The following HNRNPDL variants were observed in gnomAD, a reference collection of about 807,000 sequenced individuals.
HNRNPDL encodes the protein heterogeneous nuclear ribonucleoprotein D-like.
In HNRNPDL, 18 loss-of-function variants were observed where a neutral mutation model predicts 48.0. The ratio of observed to expected loss-of-function variants is 0.38; its 90% confidence interval spans 0.26 to 0.56. HNRNPDL has a LOEUF of 0.56. HNRNPDL is among the 20% of genes least tolerant of loss of function. The pLI, the probability that HNRNPDL is intolerant of heterozygous loss-of-function variation, is 0.77. For synonymous variants in HNRNPDL, 306 were observed against 207.3 expected, an observed-to-expected ratio of 1.48 and a Z score of -4.09; for missense variants, 553 against 540.7, an observed-to-expected ratio of 1.02 and a Z score of -0.23.
At position 82,428,265 on chromosome 4, in the gene HNRNPDL, A is replaced by T. The variant is rs369943423; in HGVS notation, c.612+13T>A. On this transcript the variant is annotated intron_variant, in intron 2 of 7. Coordinates refer to ENST00000295470, the MANE Select transcript of HNRNPDL (RefSeq NM_031372.4). ...CACCACAAAAGCAGCACAATGCAAA[A>T]CATAGTTCCTACCTTATCAACACTA... 1.4e-4 allele frequency: 233 copies of T among 1,610,284 alleles called. No individual in the cohort carries two copies. Among genetic ancestry groups the T allele is most frequent in the Non-Finnish European group, 1.8e-4 (215 of 1,177,048 alleles).
rs1491320376 is a variant in HNRNPDL at position 82,423,776 on chromosome 4, C to CA, written c.*1129dup. On this transcript the variant is annotated 3_prime_UTR_variant, in exon 8 of 8. Transcript: ENST00000295470. The stretch of plus-strand genomic sequence containing the variant: ...ACCCAGAGGGTCCACTGTAATGACT[C>CA]AGTCACATTTGTAATGACTTAGTCA... 6.7e-6 allele frequency: 1 copy of CA among 148,962 alleles called. No individual in the cohort carries two copies. Among genetic ancestry groups the CA allele is most frequent in the Non-Finnish European group, 1.5e-5 (1 of 67,068 alleles). The allele number at this position is 148,962 out of a possible 1,614,324, so 9.2% of individuals were successfully genotyped here. A position where few individuals can be genotyped will look rare whatever the true frequency, so the allele number is the denominator to read the frequency against.
chr4:82,429,391 G>A lies in HNRNPDL; in HGVS notation c.300C>T (p.Ala100=), dbSNP rs140863242. The A allele has an allele frequency of 6.2e-6, 10 of 1,613,410 alleles. No homozygotes were observed. Among genetic ancestry groups the A allele is most frequent in the Non-Finnish European group, 8.5e-6 (10 of 1,179,860 alleles). The change falls in exon 1 of 8, where the codon GCC becomes GCT. Residue 100 remains alanine, a synonymous_variant. Coordinates refer to ENST00000295470, the MANE Select transcript of HNRNPDL (RefSeq NM_031372.4). ...GCGCAGTCCGGGTCGCGGCAGCAGCGGCGGCGGAGCGTTGTATGGAGCTGG... is the reference window on the plus strand; with the variant it reads ...GCGCAGTCCGGGTCGCGGCAGCAGCAGCGGCGGAGCGTTGTATGGAGCTGG... ...FKSSSIQRSA[A]AAAATRTARQ... is the part of the protein sequence containing the mutation.
chr4:82,427,461 C>T lies in HNRNPDL; in HGVS notation c.878G>A (p.Ser293Asn), dbSNP rs1279750307. 2 of 1,609,984 alleles carry T rather than the reference C, an allele frequency of 1.2e-6. No individual in the cohort carries two copies. The highest frequency in any genetic ancestry group is 8.5e-7 in the Non-Finnish European group (1 of 1,179,026). ...DEEPVKKLLE[S>N]RYHQIGSGKC... ...CCCAGAACCAATTTGATGGTATCTG[C>T]TTTCTAACAATTTTTTTACTGGCTC... The change falls in exon 4 of 8, where the codon AGC becomes AAC. Residue 293 changes from serine to asparagine, a missense_variant. Ser to Asn is a conservative substitution (Grantham distance 46, BLOSUM62 1). Transcript: ENST00000295470.
chr4:82,423,593 T>A lies in HNRNPDL; in HGVS notation c.*1313A>T, dbSNP rs1317333845. The A allele has an allele frequency of 6.6e-6, 1 of 151,152 alleles. No individual in the cohort carries two copies. 9.4% of individuals were successfully genotyped at this position (151,152 alleles called of 1,614,324 possible). A position where few individuals can be genotyped will look rare whatever the true frequency, so the allele number is the denominator to read the frequency against. On this transcript the variant is annotated 3_prime_UTR_variant, in exon 8 of 8. Coordinates refer to ENST00000295470, the MANE Select transcript of HNRNPDL (RefSeq NM_031372.4). ...CAGTTTTGTGAGATCACCCGTTGTG[T>A]GAGATCAACTACTCTGCCTGTGAAC...
rs969403808 is a variant in HNRNPDL at position 82,423,879 on chromosome 4, G to C, written c.*1027C>G. On this transcript the variant is annotated 3_prime_UTR_variant, in exon 8 of 8. Transcript: ENST00000295470. The stretch of plus-strand genomic sequence containing the variant: ...GAATATGTAAATATTTAACTACTTA[G>C]TTCATGCACTGTGTCAAAAACTAGA... 6 of 152,094 alleles carry C rather than the reference G, an allele frequency of 3.9e-5. No homozygotes were observed. The highest frequency in any genetic ancestry group is 1.4e-4 in the African/African-American group (6 of 41,400). The allele number at this position is 152,094 out of a possible 1,614,324, so 9.4% of individuals were successfully genotyped here.
chr4:82,428,496 C>T (rs781169219), intron 1 of HNRNPDL, 50 bp from the exon 2 acceptor site: 4 of 1,403,766 alleles, frequency 2.8e-6, no homozygotes, highest in Non-Finnish European at 3.9e-6. Flanking sequence ...TCAAATGATC[C>T]TTCAGTTCTG....
chr4:82,427,161 G>C, intron 5 of HNRNPDL, 29 bp downstream of exon 5: 1 of 1,372,432 alleles, frequency 7.3e-7, no homozygotes, highest in Non-Finnish European at 1.0e-6. Flanking sequence ...AATAAACCAC[G>C]GAGTCATATT....
At chr4:82,427,120 G>C in intron 5 of HNRNPDL, 70 bp downstream of exon 5, 1 of 1,009,658 alleles carries the variant, frequency 9.9e-7, no homozygotes, top group East Asian at 2.4e-5. Context: ...CTTTGGTACA[G>C]GACTACTCAT....
chr4:82,427,244 C>T lies in HNRNPDL; in HGVS notation c.967G>A (p.Gly323Ser). 1.2e-6 allele frequency: 2 copies of T among 1,614,074 alleles called. No homozygotes were observed. The highest frequency in any genetic ancestry group is 1.7e-6 in the Non-Finnish European group (2 of 1,179,998). The change falls in exon 5 of 8, where the codon GGT becomes AGT. Residue 323 changes from glycine (G) to serine (S), a missense_variant. By Grantham distance (56) the Gly-to-Ser change is moderately conservative. Coordinates refer to ENST00000295470, the MANE Select transcript of HNRNPDL (RefSeq NM_031372.4). ...VYRQQQQQQK[G>S]GRGAAAGGRG... ...CCACCAGCTGCAGCACCTCTTCCAC[C>T]TTTTTGTTGTTGCTGTTGCTGCCTA...
intron 3 of HNRNPDL, 65 bp downstream of exon 3, chr4:82,427,953 A>C (rs1416773189): frequency 6.7e-7 from 1 of 1,489,604 alleles, no homozygotes; most frequent in Admixed American, 1.9e-5. Context: ...CCCTGCATAA[A>C]TCGGACAAGG....
rs1460433027 is a variant in HNRNPDL, at chr4:82,423,569, A to ATT, written c.*1336_*1337insAA. On this transcript the variant is annotated 3_prime_UTR_variant, in exon 8 of 8. Transcript: ENST00000295470. ...GGCTCATGAGCATAAGAAACTTACC[A>ATT]GTTTTGTGAGATCACCCGTTGTGTG... 5.6e-4 allele frequency: 85 copies of ATT among 152,232 alleles called. 2 individuals carry two copies. In the South Asian group the frequency reaches 0.017, roughly 31 times the overall value. 9.4% of individuals were successfully genotyped at this position (152,232 alleles called of 1,614,324 possible). A position where few individuals can be genotyped will look rare whatever the true frequency, so the allele number is the denominator to read the frequency against.
In HNRNPDL at chr4:82,424,619, G is replaced by A. The variant is rs1046666707; in HGVS notation, c.*287C>T. On this transcript the variant is annotated 3_prime_UTR_variant, in exon 8 of 8. Coordinates refer to ENST00000295470, the MANE Select transcript of HNRNPDL (RefSeq NM_031372.4). ...ACAGAGCTATGTAGTACCTGACGCA[G>A]AAAAGCAATCACATAAGGAAGCATT... 1.3e-5 allele frequency: 2 copies of A among 152,612 alleles called. No individual in the cohort carries two copies. The highest frequency in any genetic ancestry group is 2.9e-5 in the Non-Finnish European group (2 of 68,032). The allele number at this position is 152,612 out of a possible 1,614,324, so 9.5% of individuals were successfully genotyped here. A position where few individuals can be genotyped will look rare whatever the true frequency, so the allele number is the denominator to read the frequency against.
In HNRNPDL at chr4:82,427,439, A is replaced by G; in HGVS notation, c.900T>C (p.Ser300=). The part of the protein sequence containing the change: ...LLESRYHQIG[S]GKCEIKVAQP... Reference sequence around the variant, plus strand: ...AGTGCTTAAATGGCTTTACCTTCCCAGAACCAATTTGATGGTATCTGCTTT... The same window carrying G: ...AGTGCTTAAATGGCTTTACCTTCCCGGAACCAATTTGATGGTATCTGCTTT... The change falls in exon 4 of 8, where the codon TCT becomes TCC. Residue 300 remains serine, a synonymous_variant. Transcript: ENST00000295470. 1.2e-6 allele frequency: 2 copies of G among 1,601,630 alleles called. No individual in the cohort carries two copies. Among genetic ancestry groups the G allele is most frequent in the Non-Finnish European group, 1.7e-6 (2 of 1,176,726 alleles).
In HNRNPDL at chr4:82,428,153, C is replaced by T; in HGVS notation, c.639G>A (p.Leu213=). 6.2e-7 allele frequency: 1 copy of T among 1,614,134 alleles called. No individual in the cohort carries two copies. Among genetic ancestry groups the T allele is most frequent in the Middle Eastern group, 1.6e-4 (1 of 6,062 alleles). The change falls in exon 3 of 8, where the codon CTG becomes CTA. Residue 213 remains leucine, a synonymous_variant. Transcript: ENST00000295470. ...DKVLELKEHK[L]DGKLIDPKRA... is the part of the protein sequence containing the mutation. The stretch of plus-strand genomic sequence containing the variant: ...TTTTGGGATCTATCAATTTGCCATC[C>T]AGTTTGTGTTCTTTCAGTTCCAAAA...
chr4:82,422,912 T>C lies in HNRNPDL; in HGVS notation c.*1994A>G, dbSNP rs1721241378. On this transcript the variant is annotated 3_prime_UTR_variant, in exon 8 of 8. Transcript: ENST00000295470. ...TCCCCTCCCCAATAAACTTGTCCAA[T>C]TACTTTGTTCTAAATTAATCCTTGG... The C allele has an allele frequency of 6.6e-6, 1 of 152,208 alleles. No homozygotes were observed. Among genetic ancestry groups the C allele is most frequent in the South Asian group, 2.1e-4 (1 of 4,830 alleles). The allele number at this position is 152,208 out of a possible 1,614,324, so 9.4% of individuals were successfully genotyped here.
chr4:82,429,161 G>T, intron 1 of HNRNPDL, 87 bp downstream of exon 1: 1 of 1,253,486 alleles, frequency 8.0e-7, no homozygotes, highest in Non-Finnish European at 1.2e-6. Context: ...CTCTGAGAAA[G>T]AATGGGGGCA....
rs145072167 is a variant in HNRNPDL, at chr4:82,426,454, T to C, written c.1192+9A>G. 5 of 1,601,096 alleles carry C rather than the reference T, an allele frequency of 3.1e-6. No individual in the cohort carries two copies. The highest frequency in any genetic ancestry group is 1.3e-5 in the African/African-American group (1 of 74,732). Reference sequence around the variant, plus strand: ...CACTGCTTTATAAAATTAAGTTAAATATTCTTACCACTGTAGTCTGCATAT... The same window carrying C: ...CACTGCTTTATAAAATTAAGTTAAACATTCTTACCACTGTAGTCTGCATAT... On this transcript the variant is annotated intron_variant, in intron 6 of 7. Transcript: ENST00000295470.
In HNRNPDL at chr4:82,423,435, T is replaced by C. The variant is rs1721271646; in HGVS notation, c.*1471A>G. ...TTGGTACTTGGCCTAAGTTTAAGAA[T>C]AGCAAAACAGCAGCAAAAAAGAGGC... On this transcript the variant is annotated 3_prime_UTR_variant, in exon 8 of 8. Coordinates refer to ENST00000295470, the MANE Select transcript of HNRNPDL (RefSeq NM_031372.4). The C allele has an allele frequency of 1.3e-5, 2 of 151,766 alleles. No individual in the cohort carries two copies. The highest frequency in any genetic ancestry group is 4.1e-4 in the South Asian group (2 of 4,820). The allele number at this position is 151,766 out of a possible 1,614,324, so 9.4% of individuals were successfully genotyped here. A position where few individuals can be genotyped will look rare whatever the true frequency, so the allele number is the denominator to read the frequency against.
intron 7 of HNRNPDL, 132 bp downstream of exon 7, chr4:82,425,905 C>A: frequency 1.6e-6 from 1 of 632,928 alleles, no homozygotes; most frequent in Non-Finnish European, 2.8e-6. Context: ...AAAACAGGCT[C>A]ATAAAGCAAT....
Sources: gnomAD v4.1 joint callset for allele counts on GRCh38, gnomAD v4.1.1 for gene constraint, MANE v1.5 for transcripts, NCBI Gene and HGNC (gene_info 2026-07-23, HGNC 2026-07-21) for gene names.